The following CLIP4 variants were observed in gnomAD, a reference collection of about 807,000 sequenced individuals.
The protein encoded by CLIP4 is CAP-Gly domain containing linker protein family member 4.
CLIP4 carries 47 observed loss-of-function variants against 73.1 expected under a neutral mutation model. The ratio of observed to expected loss-of-function variants is 0.64; its 90% confidence interval spans 0.51 to 0.82. CLIP4 has a LOEUF of 0.82. CLIP4 is among the 40% of genes least tolerant of loss of function. The pLI, the probability that CLIP4 is intolerant of heterozygous loss-of-function variation, is 0.00. For missense variants in CLIP4, 874 were observed against 852.9 expected (o/e 1.02, Z -0.31); for synonymous variants, 306 against 295.4 (o/e 1.04, Z -0.37).
intron 11 of CLIP4, among the ~76,000 whole-genome samples, chr2:29,159,090 A>G (rs181475889): frequency 6.6e-6 from 1 of 152,210 alleles, no homozygotes; most frequent in African/African-American, 2.4e-5. Flanking sequence ...CTGAGTTTGT[A>G]TCTTATTTTT....
At chr2:29,180,104 G>A (rs1668561377) in intron 15 of CLIP4, among the ~76,000 whole-genome samples, 1 of 152,240 alleles carries the variant, frequency 6.6e-6, no homozygotes, top group Non-Finnish European at 1.5e-5. Flanking sequence ...ATCCTGTGTA[G>A]TGTTAGTAAC....
At chr2:29,132,131 T>C in intron 3 of CLIP4, 21 bp from the exon 4 acceptor site, 2 of 1,595,292 alleles carry the variant, frequency 1.3e-6, no homozygotes, top group Non-Finnish European at 1.7e-6. Flanking sequence ...GTTGTAACCA[T>C]ATTTTCCTTG....
chr2:29,147,396 T>C (rs1180494335), intron 8 of CLIP4, among the ~76,000 whole-genome samples: 1 of 152,188 alleles, frequency 6.6e-6, no homozygotes, highest in East Asian at 1.9e-4. Flanking sequence ...GTCTAGCTTG[T>C]CATTTGCCTT....
chr2:29,156,099 G>A (rs1666904408), intron 9 of CLIP4, among the ~76,000 whole-genome samples: 1 of 152,150 alleles, frequency 6.6e-6, no homozygotes, highest in South Asian at 2.1e-4. Context: ...AATCTGACCT[G>A]TCCCTTAGGA....
At position 29,173,345 on chromosome 2, in the gene CLIP4, G is replaced by A. The variant is rs557938116; in HGVS notation, c.1724-1028G>A. ...GACTTTCCTTTGTCTTCATCTGAACGGTGTTTCGTTTTGTTTCTCATTTCA... is the reference window on the plus strand; with the variant it reads ...GACTTTCCTTTGTCTTCATCTGAACAGTGTTTCGTTTTGTTTCTCATTTCA... On this transcript the variant is annotated intron_variant, in intron 14 of 15. Coordinates refer to ENST00000320081, the MANE Select transcript of CLIP4 (RefSeq NM_024692.6). 2.0e-5 allele frequency among the ~76,000 whole-genome samples: 3 copies of A among 152,274 alleles called. No individual in the cohort carries two copies. The South Asian group carries it at 6.2e-4, about 32-fold the overall frequency.
intron 1 of CLIP4, among the ~76,000 whole-genome samples, chr2:29,107,099 A>C (rs1668229109): frequency 6.6e-6 from 1 of 152,136 alleles, no homozygotes. Context: ...CATTGTTGAC[A>C]AGGTGCAAGC....
chr2:29,156,751 A>G (rs936034267), intron 10 of CLIP4, among the ~76,000 whole-genome samples: 2 of 152,346 alleles, frequency 1.3e-5, no homozygotes, highest in Admixed American at 6.5e-5. Flanking sequence ...GCCTTTAGCT[A>G]TCAAATCATT....
upstream of CLIP4, among the ~76,000 whole-genome samples, chr2:29,113,003 C>T (rs1034693589): frequency 6.6e-6 from 1 of 152,244 alleles, no homozygotes; most frequent in East Asian, 1.9e-4. This position sits in a 1 kb window ranked among gnomAD's most constrained non-coding sequence, Gnocchi z 4.0. Flanking sequence ...TGCAGCCATT[C>T]TGGGTCTTTA....
chr2:29,123,512 C>G (rs1664400922), intron 2 of CLIP4, among the ~76,000 whole-genome samples: 1 of 152,150 alleles, frequency 6.6e-6, no homozygotes, highest in South Asian at 2.1e-4. Flanking sequence ...GGCAAGGCAG[C>G]TGCTTTAGAT....
chr2:29,165,975 C>A (rs868656264), intron 13 of CLIP4, among the ~76,000 whole-genome samples: 17 of 146,190 alleles, frequency 1.2e-4, no homozygotes, highest in South Asian at 4.3e-4. Flanking sequence ...CCCTCTTCTT[C>A]AAAAAAAAAA....
intron 10 of CLIP4, among the ~76,000 whole-genome samples, chr2:29,156,875 A>ATAAG (rs10631616): frequency 0.91 from 138,241 of 151,816 alleles, 63,060 homozygotes; most frequent in East Asian, 1. Context: ...TTTTGTATAA[A>ATAAG]AGGGGACTCT....
chr2:29,173,038 G>C (rs1369146607), intron 14 of CLIP4, among the ~76,000 whole-genome samples: 4 of 152,052 alleles, frequency 2.6e-5, no homozygotes, highest in Non-Finnish European at 5.9e-5. Context: ...TCTGCCATCT[G>C]TTTCTGTTGA....
intron 15 of CLIP4, chr2:29,175,424 T>C (rs1311733807): frequency 1.3e-5 from 2 of 152,178 alleles, no homozygotes; most frequent in Non-Finnish European, 2.9e-5. Flanking sequence ...ATTGAAGATA[T>C]TCAAGAGTTC....
chr2:29,104,293 G>A (rs1668138395), intron 1 of CLIP4, among the ~76,000 whole-genome samples: 1 of 151,810 alleles, frequency 6.6e-6, no homozygotes, highest in South Asian at 2.1e-4. Flanking sequence ...TTGTTTGTTT[G>A]TTTTGAGACA....
intron 2 of CLIP4, among the ~76,000 whole-genome samples, chr2:29,123,452 A>G (rs1035988428): frequency 2.0e-5 from 3 of 152,242 alleles, no homozygotes; most frequent in Non-Finnish European, 4.4e-5. Flanking sequence ...ATAGGTCATA[A>G]TGAATTCTGT....
chr2:29,133,420 T>A (rs1665122285), intron 4 of CLIP4, among the ~76,000 whole-genome samples: 1 of 152,224 alleles, frequency 6.6e-6, no homozygotes, highest in Admixed American at 6.5e-5. Context: ...CTTTTTGGAT[T>A]TTTTAGAATT....
At chr2:29,144,001 T>A (rs1665973846) in intron 7 of CLIP4, 56 bp downstream of exon 7, 5 of 1,414,014 alleles carry the variant, frequency 3.5e-6, no homozygotes. Context: ...ATGACCTATG[T>A]TCAAGGACAC....
Position 29,160,438 on chromosome 2 carries a change from G to C in CLIP4, c.1505G>C (p.Arg502Thr). The change falls in exon 12 of 16, where the codon AGG (arginine) becomes ACG (threonine). Residue 502 changes from arginine to threonine, a missense_variant. Physicochemically the swap from Arg to Thr is moderately conservative, Grantham distance 71. Transcript: ENST00000320081. ...LVVGQRLGTI[R>T]FFGTTNFAPG... Reference sequence around the variant, plus strand: ...GTAGGACAGAGACTGGGCACCATTAGGTTCTTTGGGACAACAAACTTCGCT... The same window carrying C: ...GTAGGACAGAGACTGGGCACCATTACGTTCTTTGGGACAACAAACTTCGCT... 1.2e-6 allele frequency: 2 copies of C among 1,614,066 alleles called. No individual in the cohort carries two copies. The highest frequency in any genetic ancestry group is 1.3e-5 in the African/African-American group (1 of 75,018).
At chr2:29,122,256 G>A (rs958172974) in intron 2 of CLIP4, among the ~76,000 whole-genome samples, 1 of 89,660 alleles carries the variant, frequency 1.1e-5, no homozygotes, top group African/African-American at 4.4e-5. Context: ...TTTTTTTTTT[G>A]TATTCAGATT....
Sources: allele counts gnomAD v4.1 joint callset (sites outside exome capture counted in the v4.1 genomes callset), GRCh38; gene constraint gnomAD v4.1.1; non-coding constraint Gnocchi (gnomAD v3.1); transcripts MANE v1.5; gene names NCBI Gene and HGNC (gene_info 2026-07-23, HGNC 2026-07-21).